LINGO2: variants seen among roughly 807,000 people sequenced by gnomAD.
LINGO2 encodes the protein leucine-rich repeat and immunoglobulin-like domain-containing nogo receptor-interacting protein 2.
LINGO2 carries 14 observed loss-of-function variants against 30.6 expected under a neutral mutation model. That is an observed-to-expected ratio of 0.46 (90% CI 0.30 to 0.72). The LOEUF is 0.72. Ranked by LOEUF, LINGO2 falls within the 30% of genes least tolerant of loss-of-function variation. The probability of loss-of-function intolerance (pLI) is 0.07; values close to 1 mark genes in which losing one functional copy is unlikely to be tolerated. For synonymous variants in LINGO2, 317 were observed against 288.5 expected (o/e 1.10, Z -1.00); for missense variants, 729 against 751.7 (o/e 0.97, Z 0.35).
At chr9:28,475,202 T>G (rs1165771531) in intron 2 of LINGO2, among the ~76,000 whole-genome samples, 1 of 152,186 alleles carries the variant, frequency 6.6e-6, no homozygotes, top group Non-Finnish European at 1.5e-5. Context: ...CATAAGCTAT[T>G]TATACCTATA....
At chr9:28,710,006 T>C in the LINGO2 span, among the ~76,000 whole-genome samples, 6 of 151,574 alleles carry the variant, frequency 4.0e-5, no homozygotes, top group Non-Finnish European at 5.9e-5. Context: ...ATACAAATTC[T>C]ACTAACTTTT....
the LINGO2 span, among the ~76,000 whole-genome samples, chr9:28,809,954 C>T: frequency 6.6e-6 from 1 of 152,122 alleles, no homozygotes; most frequent in East Asian, 1.9e-4. Flanking sequence ...TGCTACCCTT[C>T]ACCTCACACA....
chr9:28,273,657 A>G (rs1464199689), intron 4 of LINGO2, among the ~76,000 whole-genome samples: 1 of 152,152 alleles, frequency 6.6e-6, no homozygotes, highest in African/African-American at 2.4e-5. Flanking sequence ...TAATGCTTCT[A>G]TCAGAGGATA....
At chr9:28,484,381 C>G (rs1460601923) in intron 1 of LINGO2, among the ~76,000 whole-genome samples, 1 of 152,014 alleles carries the variant, frequency 6.6e-6, no homozygotes, top group Non-Finnish European at 1.5e-5. Context: ...TACATCCGTC[C>G]AAGTTTTGCC....
intron 4 of LINGO2, among the ~76,000 whole-genome samples, chr9:28,122,325 C>A (rs535033381): frequency 6.6e-6 from 1 of 152,224 alleles, no homozygotes; most frequent in Non-Finnish European, 1.5e-5. Flanking sequence ...TTTAACAATT[C>A]ATAGTGAAAT....
the LINGO2 span, among the ~76,000 whole-genome samples, chr9:29,028,492 A>G: frequency 6.6e-5 from 10 of 151,798 alleles, no homozygotes; most frequent in African/African-American, 2.4e-4. Context: ...TTACAAATAT[A>G]TCTCTAGTTC....
chr9:27,952,282 C>A (rs79761819), intron 5 of LINGO2, among the ~76,000 whole-genome samples: 3,543 of 151,948 alleles, frequency 0.023, 75 homozygotes, highest in Non-Finnish European at 0.035. Context: ...ATAAACTTAA[C>A]AAGAAATACA....
chr9:28,799,996 T>C, the LINGO2 span, among the ~76,000 whole-genome samples: 6 of 152,094 alleles, frequency 3.9e-5, no homozygotes, highest in African/African-American at 1.4e-4. Flanking sequence ...ATGACAGTTA[T>C]TTTCTTTCTT....
chr9:28,414,826 A>G (rs974149304), intron 2 of LINGO2, among the ~76,000 whole-genome samples: 2 of 152,142 alleles, frequency 1.3e-5, no homozygotes, highest in African/African-American at 4.8e-5. Context: ...TACAAATAAT[A>G]TATCCTCAGG....
chr9:28,153,693 T>C (rs1330935434), intron 4 of LINGO2, among the ~76,000 whole-genome samples: 1 of 152,190 alleles, frequency 6.6e-6, no homozygotes, highest in Non-Finnish European at 1.5e-5. Context: ...CATGCAATTA[T>C]GTGATTAAAA....
rs980943634 is a variant in LINGO2, at chr9:28,050,324, A to G, written c.-86-37919T>C. On this transcript the variant is annotated intron_variant, in intron 4 of 5. Transcript: ENST00000379992. The stretch of plus-strand genomic sequence containing the variant: ...TGCTGGTAGGGAAGACAACCAAAGA[A>G]ATAAAATACACTTTGGTTAAAGCCC... Among the ~76,000 whole-genome samples the G allele has an allele frequency of 4.0e-5, 6 of 150,784 alleles. 1 individual carries two copies. The highest frequency in any genetic ancestry group is 1.3e-4 in the Admixed American group (2 of 15,034).
the LINGO2 span, among the ~76,000 whole-genome samples, chr9:28,987,609 AG>A: frequency 1.3e-5 from 2 of 151,824 alleles, no homozygotes; most frequent in Non-Finnish European, 2.9e-5. Flanking sequence ...TTCTTTTTCT[AG>A]TTCCTTGAGG....
chr9:29,166,150 G>A, the LINGO2 span, among the ~76,000 whole-genome samples: 8 of 152,212 alleles, frequency 5.3e-5, no homozygotes, highest in East Asian at 1.5e-3. Context: ...TAGGCAAGTA[G>A]ACGTTTAGAA....
intron 1 of LINGO2, among the ~76,000 whole-genome samples, chr9:28,626,696 C>A (rs13300607): frequency 6.6e-6 from 1 of 151,904 alleles, no homozygotes; most frequent in Non-Finnish European, 1.5e-5. Context: ...AACGTTTTTT[C>A]TCTCTCTGTT....
chr9:28,026,677 TTC>T (rs1823391161), intron 4 of LINGO2, among the ~76,000 whole-genome samples: 3 of 152,212 alleles, frequency 2.0e-5, no homozygotes, highest in Non-Finnish European at 4.4e-5. Context: ...ATCTTACTGT[TTC>T]TTATTTTTTT....
the LINGO2 span, among the ~76,000 whole-genome samples, chr9:28,896,884 C>G: frequency 1.3e-5 from 2 of 152,084 alleles, no homozygotes; most frequent in Non-Finnish European, 2.9e-5. Context: ...AACAAATCCT[C>G]TTTTCTTTTC....
chr9:28,127,582 C>T (rs970611180), intron 4 of LINGO2, among the ~76,000 whole-genome samples: 5 of 152,170 alleles, frequency 3.3e-5, no homozygotes, highest in Non-Finnish European at 7.4e-5. Flanking sequence ...GGATGCTTCC[C>T]ATGGAATCGG....
chr9:28,834,868 G>C, the LINGO2 span, among the ~76,000 whole-genome samples: 1 of 152,002 alleles, frequency 6.6e-6, no homozygotes, highest in Non-Finnish European at 1.5e-5. Flanking sequence ...TCTCATATTG[G>C]AACTAATTAG....
At chr9:28,409,259 G>A (rs558420071) in intron 2 of LINGO2, among the ~76,000 whole-genome samples, 27 of 152,206 alleles carry the variant, frequency 1.8e-4, no homozygotes, top group African/African-American at 6.3e-4. Flanking sequence ...GCTTGTCCAA[G>A]ATACATTTAC....
Sources: allele counts gnomAD v4.1 joint callset (sites outside exome capture counted in the v4.1 genomes callset), GRCh38; gene constraint gnomAD v4.1.1; transcripts MANE v1.5; gene names NCBI Gene and HGNC (gene_info 2026-07-23, HGNC 2026-07-21).